The following MYT1L variants were observed in gnomAD, a reference collection of about 807,000 sequenced individuals.
MYT1L encodes myelin transcription factor 1-like protein.
MYT1L carries 12 observed loss-of-function variants against 126.7 expected under a neutral mutation model. The observed-to-expected ratio is 0.09, with a 90% CI of 0.06 to 0.15. The LOEUF is 0.15. Among genes scored for constraint, MYT1L ranks in the 10% least tolerant of loss-of-function variants. The pLI is 1.00. For missense variants in MYT1L, 979 were observed against 1,585.2 expected, an observed-to-expected ratio of 0.62 and a Z score of 6.49; for synonymous variants, 541 against 604.2, an observed-to-expected ratio of 0.90 and a Z score of 1.53.
At chr2:1,851,554 G>T in intron 19 of MYT1L, 87 bp downstream of exon 19, 1 of 1,352,940 alleles carries the variant, frequency 7.4e-7, no homozygotes, top group Non-Finnish European at 1.0e-6. Context: ...GTCAAACTTC[G>T]CAAGGCTTGG....
At chr2:2,284,115 T>G (rs1457198348) in intron 2 of MYT1L, among the ~76,000 whole-genome samples, 1 of 152,206 alleles carries the variant, frequency 6.6e-6, no homozygotes, top group Non-Finnish European at 1.5e-5. Flanking sequence ...AGTTCTCTGC[T>G]TGGTTCAGTT....
chr2:1,997,258 C>A lies in MYT1L; in HGVS notation c.-68G>T, dbSNP rs968968427. ...TCCTGGCAGGACGCAGGCCCAGAGT[C>A]AGGGGCTCGCTCTAAGCTCTACTCC... is the stretch of plus-strand genomic sequence containing the variant. On this transcript the variant is annotated 5_prime_UTR_variant, in exon 5 of 25. Coordinates refer to ENST00000647738, the MANE Select transcript of MYT1L (RefSeq NM_001303052.2). The A allele has an allele frequency of 6.5e-6, 1 of 152,868 alleles. No individual in the cohort carries two copies. Among genetic ancestry groups the A allele is most frequent in the African/African-American group, 2.4e-5 (1 of 41,440 alleles). The allele number at this position is 152,868 out of a possible 1,614,324, so 9.5% of individuals were successfully genotyped here.
intron 2 of MYT1L, among the ~76,000 whole-genome samples, chr2:2,265,427 T>A (rs557656776): frequency 2.0e-4 from 30 of 152,304 alleles, no homozygotes; most frequent in African/African-American, 6.7e-4. Context: ...GTGTGGCATA[T>A]TTAATAAATG....
At chr2:1,923,986 GAA>G (rs1163249924) in intron 9 of MYT1L, among the ~76,000 whole-genome samples, 1 of 152,198 alleles carries the variant, frequency 6.6e-6, no homozygotes, top group Admixed American at 6.5e-5. Flanking sequence ...GAGAGAGAGA[GAA>G]AGCGTGCAGC....
At chr2:2,115,925 C>G (rs1219989685) in intron 3 of MYT1L, among the ~76,000 whole-genome samples, 3 of 149,830 alleles carry the variant, frequency 2.0e-5, no homozygotes, top group Admixed American at 6.6e-5. Flanking sequence ...GCCTGCTGTG[C>G]AGTTGAGGAA....
At chr2:1,986,014 A>C (rs1018503381) in intron 5 of MYT1L, among the ~76,000 whole-genome samples, 1 of 152,218 alleles carries the variant, frequency 6.6e-6, no homozygotes, top group Non-Finnish European at 1.5e-5. Context: ...TAGCCTTTTG[A>C]ATACAGGAAA....
chr2:2,176,479 A>G lies in MYT1L; in HGVS notation c.-420-3491T>C, dbSNP rs1410160146. On this transcript the variant is annotated intron_variant, in intron 2 of 24. Coordinates refer to ENST00000647738, the MANE Select transcript of MYT1L (RefSeq NM_001303052.2). ...GTTTTTGCCGTAGATCACCTGTGCAATATCAATATTTAGGACATAACTTTT... is the reference window on the plus strand; with the variant it reads ...GTTTTTGCCGTAGATCACCTGTGCAGTATCAATATTTAGGACATAACTTTT... Among the ~76,000 whole-genome samples, 4 of 151,876 alleles carry G rather than the reference A, an allele frequency of 2.6e-5. No individual in the cohort carries two copies. The East Asian group carries it at 7.7e-4, about 29-fold the overall frequency.
intron 14 of MYT1L, among the ~76,000 whole-genome samples, chr2:1,895,492 T>C (rs369386887): frequency 1.3e-5 from 2 of 152,326 alleles, no homozygotes; most frequent in East Asian, 1.9e-4. Context: ...AATAGCTTGG[T>C]ACTGGTGTAA....
intron 2 of MYT1L, among the ~76,000 whole-genome samples, chr2:2,203,285 G>A (rs2093166028): frequency 6.7e-6 from 1 of 149,674 alleles, no homozygotes; most frequent in Admixed American, 6.7e-5. Flanking sequence ...AATCAGGCAG[G>A]AGAAAGAAAT....
chr2:1,794,292 G>A lies in MYT1L; in HGVS notation c.3277-1828C>T, dbSNP rs2032923927. ...GCCCTCAGCGGGCCCTCCTGGATGA[G>A]CCCAGCCCAGCTCGCCTCTGGTTGA... On this transcript the variant is annotated intron_variant, in intron 23 of 24. Coordinates refer to ENST00000647738, the MANE Select transcript of MYT1L (RefSeq NM_001303052.2). Among the ~76,000 whole-genome samples, 4 of 152,242 alleles carry A rather than the reference G, an allele frequency of 2.6e-5. No homozygotes were observed. In the South Asian group the frequency reaches 8.3e-4, roughly 31 times the overall value.
At chr2:1,930,798 G>C (rs1310472833) in intron 9 of MYT1L, among the ~76,000 whole-genome samples, 1 of 152,132 alleles carries the variant, frequency 6.6e-6, no homozygotes, top group Non-Finnish European at 1.5e-5. Flanking sequence ...TAGGTTCGGG[G>C]GTCCATGTGC....
chr2:2,180,300 G>A (rs906679265), intron 2 of MYT1L, among the ~76,000 whole-genome samples: 5 of 151,512 alleles, frequency 3.3e-5, no homozygotes, highest in African/African-American at 1.2e-4. Context: ...GTTTAGCATA[G>A]TCCTTAGCAC....
At chr2:1,892,346 C>T in intron 14 of MYT1L, 59 bp from the exon 15 acceptor site, 1 of 1,516,642 alleles carries the variant, frequency 6.6e-7, no homozygotes, top group Non-Finnish European at 8.9e-7. Context: ...CGGCAGACAG[C>T]ACACGGCAGG....
At chr2:2,229,019 G>A (rs577748258) in intron 2 of MYT1L, among the ~76,000 whole-genome samples, 2 of 152,258 alleles carry the variant, frequency 1.3e-5, no homozygotes, top group South Asian at 4.1e-4. Context: ...CAAACAGCCG[G>A]TTGAGAACTC....
intron 2 of MYT1L, among the ~76,000 whole-genome samples, chr2:2,183,393 G>A (rs924604785): frequency 2.0e-5 from 3 of 152,098 alleles, no homozygotes; most frequent in African/African-American, 2.4e-5. Context: ...AAAGGGTGGG[G>A]CCAGGCGGTA....
rs569912215 is a variant in MYT1L at position 2,034,303 on chromosome 2, TC to T, written c.-158+19674del. ...TAACTTCTCCCCATAATCTCCACCC[TC>T]CCAATGCGGGTGCAGAAGAGAGCTC... is the stretch of plus-strand genomic sequence containing the variant. On this transcript the variant is annotated intron_variant, in intron 4 of 24. Transcript: ENST00000647738. Among the ~76,000 whole-genome samples the T allele has an allele frequency of 8.3e-3, 913 of 110,094 alleles. 16 individuals carry two copies. The highest frequency in any genetic ancestry group is 0.037 in the Middle Eastern group (6 of 162). 72.2% of individuals were successfully genotyped at this position (110,094 alleles called of 152,430 possible).
chr2:2,119,570 T>C (rs2080697677), intron 3 of MYT1L, among the ~76,000 whole-genome samples: 1 of 152,226 alleles, frequency 6.6e-6, no homozygotes, highest in Non-Finnish European at 1.5e-5. Flanking sequence ...AAAAAATTCA[T>C]CTTAAAACCT....
intron 21 of MYT1L, chr2:1,810,191 A>C (rs2036376739): frequency 6.8e-6 from 1 of 146,736 alleles, no homozygotes; most frequent in African/African-American, 2.6e-5. Context: ...CAGTGGCCCG[A>C]TGTCGGCTCA....
At chr2:1,895,017 T>C (rs544019204) in intron 14 of MYT1L, among the ~76,000 whole-genome samples, 60 of 152,312 alleles carry the variant, frequency 3.9e-4, no homozygotes, top group African/African-American at 1.4e-3. Flanking sequence ...GAGTTCAGTA[T>C]CTTATCAATT....
Sources: gnomAD v4.1 joint callset for allele counts (sites outside exome capture counted in the v4.1 genomes callset) on GRCh38, gnomAD v4.1.1 for gene constraint, MANE v1.5 for transcripts, NCBI Gene and HGNC (gene_info 2026-07-23, HGNC 2026-07-21) for gene names.